Variants in LPAR3 observed in about 807,000 individuals in gnomAD.
LPAR3 encodes LPA receptor 3.
A neutral mutation model predicts 17.8 loss-of-function variants in LPAR3; 7 were observed. The observed-to-expected ratio is 0.39, with a 90% confidence interval of 0.22 to 0.74. The LOEUF (loss-of-function observed/expected upper bound fraction) is 0.74, where lower values mean the gene tolerates loss of function less well. Ranked by LOEUF, LPAR3 falls within the 30% of genes least tolerant of loss-of-function variation. The pLI is 0.40. For missense variants in LPAR3, 391 were observed against 453.4 expected (o/e 0.86, Z 1.25); for synonymous variants, 179 against 179.9 (o/e 0.99, Z 0.04).
Position 84,813,890 on chromosome 1 carries a change from C to A in LPAR3, c.1018G>T (p.Asp340Tyr). 1 of 1,614,146 alleles carries A rather than the reference C, an allele frequency of 6.2e-7. No individual in the cohort carries two copies. The highest frequency in any genetic ancestry group is 8.5e-7 in the Non-Finnish European group (1 of 1,180,026). Reference sequence around the variant, plus strand: ...CAGACTGCACCTTGGCTAATACTATCCTCTATGTACTGGCTGCCTGTGTCA... The same window carrying A: ...CAGACTGCACCTTGGCTAATACTATACTCTATGTACTGGCTGCCTGTGTCA... ...RSDTGSQYIE[D>Y]SISQGAVCNK... Residue 340 changes from aspartate to tyrosine, a missense_variant, in exon 3 of 3, where the codon GAT becomes TAT. Physicochemically the swap from Asp to Tyr is radical, Grantham distance 160 (BLOSUM62 -3). Transcript: ENST00000370611.
At chr1:84,837,056 G>A (rs1261822114) in intron 2 of LPAR3, among the ~76,000 whole-genome samples, 6 of 137,654 alleles carry the variant, frequency 4.4e-5, no homozygotes, top group East Asian at 2.1e-4. Flanking sequence ...ACGGAGTCTC[G>A]CTCTGTTGCC....
chr1:84,862,466 G>A (rs1446940524), intron 2 of LPAR3, among the ~76,000 whole-genome samples: 5 of 152,220 alleles, frequency 3.3e-5, no homozygotes, highest in African/African-American at 9.6e-5. Flanking sequence ...TAAACTCTCA[G>A]TTTCTCCATC....
At chr1:84,891,326 T>C (rs1660548585) in intron 1 of LPAR3, among the ~76,000 whole-genome samples, 1 of 152,174 alleles carries the variant, frequency 6.6e-6, no homozygotes, top group Non-Finnish European at 1.5e-5. Context: ...ACAATCAATG[T>C]AAGTGTTGTC....
chr1:84,892,581 T>C (rs1371583586), intron 1 of LPAR3, among the ~76,000 whole-genome samples: 1 of 152,194 alleles, frequency 6.6e-6, no homozygotes, highest in African/African-American at 2.4e-5. Flanking sequence ...CAGATGTAAC[T>C]GGAGGCTGAA....
At chr1:84,863,215 C>T (rs940773461) in intron 2 of LPAR3, among the ~76,000 whole-genome samples, 1 of 152,170 alleles carries the variant, frequency 6.6e-6, no homozygotes, top group Non-Finnish European at 1.5e-5. Flanking sequence ...GCTGGGACTA[C>T]AGGTATGCAC....
intron 1 of LPAR3, among the ~76,000 whole-genome samples, chr1:84,867,828 A>T (rs1488293252): frequency 6.6e-6 from 1 of 152,162 alleles, no homozygotes; most frequent in Non-Finnish European, 1.5e-5. Context: ...ACTATATCAT[A>T]ATTTCCCCAA....
chr1:84,891,325 G>GT (rs1557612772), intron 1 of LPAR3, among the ~76,000 whole-genome samples: 3 of 152,192 alleles, frequency 2.0e-5, no homozygotes, highest in African/African-American at 7.2e-5. Context: ...GACAATCAAT[G>GT]TAAGTGTTGT....
chr1:84,815,850 G>A (rs1453854325), intron 2 of LPAR3, among the ~76,000 whole-genome samples: 1 of 152,158 alleles, frequency 6.6e-6, no homozygotes. Context: ...TAGCAGGGGG[G>A]TTGAATTCCT....
At chr1:84,864,148 G>A (rs1236796481) in intron 2 of LPAR3, among the ~76,000 whole-genome samples, 2 of 151,864 alleles carry the variant, frequency 1.3e-5, no homozygotes, top group African/African-American at 4.8e-5. Flanking sequence ...GGAGGTGGAG[G>A]TTGCAGTGAG....
chr1:84,851,906 C>T (rs965915363), intron 2 of LPAR3, among the ~76,000 whole-genome samples: 12 of 152,158 alleles, frequency 7.9e-5, no homozygotes, highest in African/African-American at 2.9e-4. Flanking sequence ...GAAAATGCCT[C>T]AGCTGGTGGT....
intron 1 of LPAR3, among the ~76,000 whole-genome samples, chr1:84,871,868 C>T (rs58236435): frequency 1.3e-5 from 2 of 152,118 alleles, no homozygotes; most frequent in Non-Finnish European, 1.5e-5. Flanking sequence ...AAATTCATTT[C>T]CTCAGAGATC....
chr1:84,835,647 A>G (rs1008235165), intron 2 of LPAR3, among the ~76,000 whole-genome samples: 6 of 152,208 alleles, frequency 3.9e-5, no homozygotes, highest in African/African-American at 1.4e-4. Flanking sequence ...AATTTTTAAA[A>G]TATCTTCTAC....
chr1:84,880,523 A>G (rs72718745), intron 1 of LPAR3, among the ~76,000 whole-genome samples: 5 of 152,230 alleles, frequency 3.3e-5, no homozygotes, highest in Admixed American at 2.0e-4. Context: ...GGTCTGTAGT[A>G]ATGATCAGAG....
chr1:84,866,192 G>A (rs1254005554), intron 1 of LPAR3, 54 bp from the exon 2 acceptor site: 3 of 1,340,808 alleles, frequency 2.2e-6, no homozygotes, highest in Non-Finnish European at 2.1e-6. Flanking sequence ...CAGTCACTAA[G>A]CCATCAATTG....
chr1:84,882,852 C>T (rs1536118), intron 1 of LPAR3, among the ~76,000 whole-genome samples: 83,416 of 152,114 alleles, frequency 0.55, 24,031 homozygotes, highest in East Asian at 0.85. Context: ...AAAATAGATA[C>T]TCACATGCAA....
At chr1:84,845,106 C>G (rs1659571866) in intron 2 of LPAR3, among the ~76,000 whole-genome samples, 1 of 152,170 alleles carries the variant, frequency 6.6e-6, no homozygotes. Flanking sequence ...CTGGTAACTC[C>G]TCCAGGCTTT....
intron 1 of LPAR3, among the ~76,000 whole-genome samples, chr1:84,878,129 T>A (rs769984581): frequency 1.3e-5 from 2 of 152,172 alleles, no homozygotes; most frequent in Non-Finnish European, 2.9e-5. Flanking sequence ...AGGGCTGGTA[T>A]CCTTCTCTCT....
intron 2 of LPAR3, among the ~76,000 whole-genome samples, chr1:84,843,667 T>C (rs1427967437): frequency 6.6e-6 from 1 of 152,238 alleles, no homozygotes; most frequent in African/African-American, 2.4e-5. Context: ...GCTAATAACA[T>C]CACTTTTCTA....
intron 2 of LPAR3, among the ~76,000 whole-genome samples, chr1:84,815,773 G>A (rs1658920643): frequency 6.6e-6 from 1 of 152,150 alleles, no homozygotes. Flanking sequence ...CACTGTGGTG[G>A]GTTCACTGAG....
Sources: allele counts gnomAD v4.1 joint callset (sites outside exome capture counted in the v4.1 genomes callset), GRCh38; gene constraint gnomAD v4.1.1; transcripts MANE v1.5; gene names NCBI Gene and HGNC (gene_info 2026-07-23, HGNC 2026-07-21).